The following CDKN2A variants were observed in gnomAD, a reference collection of about 807,000 sequenced individuals.
CDKN2A encodes cyclin-dependent kinase inhibitor 2A.
In CDKN2A, 3 loss-of-function variants were observed where a neutral mutation model predicts 11.1. That is an observed-to-expected ratio of 0.27 (90% CI 0.12 to 0.70). The LOEUF (loss-of-function observed/expected upper bound fraction) is 0.70. CDKN2A is among the 30% of genes least tolerant of loss of function. CDKN2A has a pLI of 0.77. For missense variants in CDKN2A, 265 were observed against 233.6 expected, an observed-to-expected ratio of 1.13 and a Z score of -0.88; for synonymous variants, 122 against 108.1, an observed-to-expected ratio of 1.13 and a Z score of -0.80.
At chr9:21,970,467 C>CA in intron 2 of CDKN2A, 1 of 395,710 alleles carries the variant, frequency 2.5e-6, no homozygotes, top group South Asian at 3.5e-5. Flanking sequence ...ATGCCACGCA[C>CA]AATTGGGTTT....
intron 2 of CDKN2A, among the ~76,000 whole-genome samples, chr9:21,990,465 C>T (rs766523113): frequency 7.2e-5 from 11 of 152,012 alleles, no homozygotes; most frequent in Non-Finnish European, 1.5e-4. Context: ...GGACTGTTAC[C>T]GTGTGTCAAA....
intron 2 of CDKN2A, chr9:21,992,396 A>G (rs1820448497): frequency 1.0e-6 from 1 of 983,588 alleles, no homozygotes; most frequent in African/African-American, 1.7e-5. Flanking sequence ...ATATATTTCA[A>G]GACATTCTAT....
In CDKN2A at chr9:21,971,136, G is replaced by A. The variant is rs1202706337; in HGVS notation, c.223C>T (p.Pro75Ser). ...TGCACGGGTCGGGTGAGAGTGGCGG[G>A]GTCGGCGCAGTTGGGCTCCGCGCCG... Reference protein sequence around the residue: ...LHGAEPNCADPATLTRPVHDA... With the variant: ...LHGAEPNCADSATLTRPVHDA... Residue 75 changes from proline (P) to serine (S), a missense_variant, in exon 2 of 3, where the codon CCC (proline) becomes TCC (serine). Coordinates refer to ENST00000304494, the MANE Select transcript of CDKN2A (RefSeq NM_000077.5). 6.3e-7 allele frequency: 1 copy of A among 1,596,170 alleles called. No individual in the cohort carries two copies.
upstream of CDKN2A, among the ~76,000 whole-genome samples, chr9:21,979,076 G>A (rs993717589): frequency 1.1e-4 from 17 of 152,294 alleles, no homozygotes; most frequent in East Asian, 5.8e-4. Flanking sequence ...AAAGGCTTCC[G>A]GATGCTGAGA....
chr9:21,971,046 C>T lies in CDKN2A; in HGVS notation c.313G>A (p.Asp105Asn), dbSNP rs774829510. Residue 105 changes from aspartate (D) to asparagine (N), a missense_variant, in exon 2 of 3, where the codon GAC becomes AAC. By Grantham distance (23) the Asp-to-Asn change is conservative (BLOSUM62 1). Coordinates refer to ENST00000304494, the MANE Select transcript of CDKN2A (RefSeq NM_000077.5). ...VVLHRAGARL[D>N]VRDAWGRLPV... Reference sequence around the variant, plus strand: ...AGACGGCCCCAGGCATCGCGCACGTCCAGCCGCGCCCCGGCCCGGTGCAGC... The same window carrying T: ...AGACGGCCCCAGGCATCGCGCACGTTCAGCCGCGCCCCGGCCCGGTGCAGC... The T allele has an allele frequency of 1.2e-6, 2 of 1,605,604 alleles. No individual in the cohort carries two copies. The highest frequency in any genetic ancestry group is 1.7e-6 in the Non-Finnish European group (2 of 1,179,334).
At position 21,982,718 on chromosome 9, in the gene CDKN2A, A is replaced by G. The variant is rs1428412382; in HGVS notation, c.-4+11164T>C. Among the ~76,000 whole-genome samples, 5 of 152,120 alleles carry G rather than the reference A, an allele frequency of 3.3e-5. No homozygotes were observed. The East Asian group carries it at 9.6e-4, about 29-fold the overall frequency. Reference sequence around the variant, plus strand: ...ATAGGCAGAAAGAAATAGAGATAATAAAAAATTCATTAAAAGTTGCCAAGA... The same window carrying G: ...ATAGGCAGAAAGAAATAGAGATAATGAAAAATTCATTAAAAGTTGCCAAGA... On this transcript the variant is annotated intron_variant, in intron 2 of 3. Transcript: ENST00000494262.
intron 2 of CDKN2A, among the ~76,000 whole-genome samples, chr9:21,987,424 CACACACACAG>C (rs906094847): frequency 1.7e-5 from 2 of 119,252 alleles, no homozygotes; most frequent in African/African-American, 6.2e-5. Flanking sequence ...CACACACACA[CACACACACAG>C]AGAGAGAGAG....
At chr9:21,993,450 T>C (rs568616044) in intron 2 of CDKN2A, among the ~76,000 whole-genome samples, 24 of 152,296 alleles carry the variant, frequency 1.6e-4, no homozygotes, top group African/African-American at 5.3e-4. Context: ...AGTTCTGTCG[T>C]TTGCTAAACA....
chr9:21,991,849 A>T lies in CDKN2A; in HGVS notation c.-4+2033T>A. On this transcript the variant is annotated intron_variant, in intron 2 of 3. Transcript: ENST00000494262. This position sits in a 1 kb window ranked among gnomAD's most constrained non-coding sequence, Gnocchi z 5.2. ...AATACAAACTGTGAATCATGTACAC[A>T]TGGGGAATAATGGTTTATACTAACT... 1 of 985,264 alleles carries T rather than the reference A, an allele frequency of 1.0e-6. No homozygotes were observed. Among genetic ancestry groups the T allele is most frequent in the Non-Finnish European group, 1.2e-6 (1 of 829,744 alleles). 61.0% of individuals were successfully genotyped at this position (985,264 alleles called of 1,614,324 possible). A position where few individuals can be genotyped will look rare whatever the true frequency, so the allele number is the denominator to read the frequency against.
chr9:21,968,628 G>A lies in CDKN2A; in HGVS notation c.458-386C>T, dbSNP rs1819527223. The A allele has an allele frequency of 6.6e-7, 1 of 1,518,752 alleles. No individual in the cohort carries two copies. Among genetic ancestry groups the A allele is most frequent in the Non-Finnish European group, 8.8e-7 (1 of 1,137,816 alleles). 94.1% of individuals were successfully genotyped at this position (1,518,752 alleles called of 1,614,324 possible). ...GGCCTTTCCCTTCCCGCATCCCCAG[G>A]CATCTTTTGCACCTGGTGCGGAGTG... On this transcript the variant is annotated intron_variant, in intron 2 of 2. Transcript: ENST00000304494. The surrounding 1 kb of genome is among the most constrained non-coding windows in gnomAD (Gnocchi z 4.7).
chr9:21,971,806 C>G (rs1456126074), intron 1 of CDKN2A, among the ~76,000 whole-genome samples: 1 of 151,920 alleles, frequency 6.6e-6, no homozygotes. Flanking sequence ...AAGTTATGAT[C>G]TTTGAACACA....
upstream of CDKN2A, among the ~76,000 whole-genome samples, chr9:21,975,772 C>G (rs1268669370): frequency 6.6e-6 from 1 of 152,190 alleles, no homozygotes; most frequent in Non-Finnish European, 1.5e-5. Context: ...AATTCCTAGA[C>G]CAGAAAAAGT....
chr9:21,970,794 G>A (rs1221883407), intron 2 of CDKN2A, 108 bp downstream of exon 2: 5 of 1,385,954 alleles, frequency 3.6e-6, no homozygotes, highest in Non-Finnish European at 5.0e-6. Flanking sequence ...CGTGAGCTGA[G>A]GCAAGACCGG....
At chr9:21,994,675 C>T (rs1820558445) in intron 1 of CDKN2A, 1 of 323,748 alleles carries the variant, frequency 3.1e-6, no homozygotes, top group Non-Finnish European at 5.7e-6. Flanking sequence ...CGCCACTTTC[C>T]CGCCCTGTGT....
chr9:21,994,461 C>T (rs1416226526), intron 1 of CDKN2A: 1 of 1,536,926 alleles, frequency 6.5e-7, no homozygotes, highest in Non-Finnish European at 8.7e-7. Context: ...CCATCTCCGC[C>T]CCGCAGGCGC....
intron 1 of CDKN2A, chr9:21,971,510 C>T (rs539812176): frequency 2.0e-6 from 1 of 501,818 alleles, no homozygotes; most frequent in African/African-American, 2.1e-5. Context: ...TCCAGGCTAA[C>T]TTCCTGTATT....
At position 21,968,385 on chromosome 9, in the gene CDKN2A, C is replaced by T; in HGVS notation, c.458-143G>A. ...CGCAATGGCTTCACGTGCATGTACCCGCCGCCACCGCTCTCCCACACCTCC... is the reference window on the plus strand; with the variant it reads ...CGCAATGGCTTCACGTGCATGTACCTGCCGCCACCGCTCTCCCACACCTCC... On this transcript the variant is annotated intron_variant, in intron 2 of 2. Transcript: ENST00000304494. This position sits in a 1 kb window ranked among gnomAD's most constrained non-coding sequence, Gnocchi z 4.7. 1 of 1,511,022 alleles carries T rather than the reference C, an allele frequency of 6.6e-7. No individual in the cohort carries two copies. The highest frequency in any genetic ancestry group is 1.2e-5 in the South Asian group (1 of 83,086). The allele number at this position is 1,511,022 out of a possible 1,614,324, so 93.6% of individuals were successfully genotyped here.
chr9:21,976,360 C>A (rs1277139360), upstream of CDKN2A, among the ~76,000 whole-genome samples: 5 of 124,670 alleles, frequency 4.0e-5, no homozygotes, highest in African/African-American at 9.5e-5. Flanking sequence ...GCCTGGGTGA[C>A]AGAATGAGAC....
In CDKN2A at chr9:21,968,339, A is replaced by C; in HGVS notation, c.458-97T>G. 6.5e-7 allele frequency: 1 copy of C among 1,544,736 alleles called. No individual in the cohort carries two copies. Among genetic ancestry groups the C allele is most frequent in the Non-Finnish European group, 8.9e-7 (1 of 1,123,660 alleles). Reference sequence around the variant, plus strand: ...CTCTTGCCGTCCCTACCGGCATTGAAATACTTATGGATAAAGTTCTCGCAA... The same window carrying C: ...CTCTTGCCGTCCCTACCGGCATTGACATACTTATGGATAAAGTTCTCGCAA... On this transcript the variant is annotated intron_variant, in intron 2 of 2. Transcript: ENST00000304494. The surrounding 1 kb of genome is among the most constrained non-coding windows in gnomAD (Gnocchi z 4.7).
Sources: gnomAD v4.1 joint callset for allele counts (sites outside exome capture counted in the v4.1 genomes callset) on GRCh38, gnomAD v4.1.1 for gene constraint, Gnocchi (gnomAD v3.1) non-coding constraint, MANE v1.5 for transcripts, NCBI Gene and HGNC (gene_info 2026-07-23, HGNC 2026-07-21) for gene names.